Variants in YWHAE observed in about 807,000 individuals in gnomAD.
YWHAE encodes tyrosine 3-monooxygenase/tryptophan 5-monooxygenase activation protein epsilon.
In YWHAE, 4 loss-of-function variants were observed where a neutral mutation model predicts 30.1. The ratio of observed to expected loss-of-function variants is 0.13; its 90% confidence interval spans 0.07 to 0.30. The LOEUF is 0.30. Ranked by LOEUF, YWHAE falls within the 10% of genes least tolerant of loss-of-function variation. The pLI is 1.00. For missense variants in YWHAE, 121 were observed against 315.9 expected (o/e 0.38, Z 4.68); for synonymous variants, 118 against 111.8 (o/e 1.06, Z -0.35).
chr17:1,357,412 A>AT, intron 4 of YWHAE, among the ~76,000 whole-genome samples: 1 of 143,532 alleles, frequency 7.0e-6, no homozygotes, highest in Non-Finnish European at 1.5e-5. Context: ...CAAAAAAAAA[A>AT]AAAAAAAAAT....
At chr17:1,382,449 C>T (rs984099471) in intron 1 of YWHAE, among the ~76,000 whole-genome samples, 9 of 151,278 alleles carry the variant, frequency 5.9e-5, no homozygotes, top group African/African-American at 9.7e-5. Context: ...CTCCGCCTCC[C>T]GGGTTCTGGC....
chr17:1,347,889 G>C (rs1014900454), intron 5 of YWHAE: 1 of 874,430 alleles, frequency 1.1e-6, no homozygotes, highest in Admixed American at 6.1e-5. Flanking sequence ...GCAACAGGAC[G>C]ATCATACGCA....
chr17:1,359,513 A>G (rs1415223036), intron 4 of YWHAE, among the ~76,000 whole-genome samples: 4 of 152,222 alleles, frequency 2.6e-5, no homozygotes, highest in African/African-American at 9.6e-5. Flanking sequence ...GTGTAAATTC[A>G]GTCACTAAAA....
At chr17:1,388,199 G>T (rs921432755) in intron 1 of YWHAE, among the ~76,000 whole-genome samples, 1 of 130,436 alleles carries the variant, frequency 7.7e-6, no homozygotes, top group Non-Finnish European at 1.6e-5. Flanking sequence ...CTGACCTCGT[G>T]ATCTGCCCTC....
intron 1 of YWHAE, among the ~76,000 whole-genome samples, chr17:1,368,519 G>A (rs935417548): frequency 4.7e-5 from 7 of 150,182 alleles, no homozygotes; most frequent in Admixed American, 1.3e-4. Context: ...AGCTGAGATC[G>A]CGCCATTGCA....
At chr17:1,393,823 G>A (rs1042625711) in intron 1 of YWHAE, among the ~76,000 whole-genome samples, 1 of 151,978 alleles carries the variant, frequency 6.6e-6, no homozygotes, top group African/African-American at 2.4e-5. Context: ...ATCTGTATGC[G>A]AATAAACATT....
At position 1,348,084 on chromosome 17, in the gene YWHAE, G is replaced by C. The variant is rs1335027963; in HGVS notation, c.716-2585C>G. 5.1e-6 allele frequency: 4 copies of C among 777,566 alleles called. No individual in the cohort carries two copies. The South Asian group carries it at 2.4e-4, about 46-fold the overall frequency. The allele number at this position is 777,566 out of a possible 1,614,324, so 48.2% of individuals were successfully genotyped here. On this transcript the variant is annotated intron_variant, in intron 5 of 5. Coordinates refer to ENST00000264335, the MANE Select transcript of YWHAE (RefSeq NM_006761.5). Reference sequence around the variant, plus strand: ...ACAAGAAAAATAAACCAACAGAGCAGGACAAAGGAAAACAATGATACAGGA... The same window carrying C: ...ACAAGAAAAATAAACCAACAGAGCACGACAAAGGAAAACAATGATACAGGA...
At chr17:1,364,138 C>T (rs574615133) in intron 2 of YWHAE, among the ~76,000 whole-genome samples, 4 of 151,802 alleles carry the variant, frequency 2.6e-5, no homozygotes, top group African/African-American at 9.7e-5. Context: ...GTATATACAC[C>T]CACAGTAAGT....
intron 1 of YWHAE, among the ~76,000 whole-genome samples, chr17:1,389,379 A>G (rs1283411287): frequency 6.6e-6 from 1 of 152,212 alleles, no homozygotes; most frequent in Non-Finnish European, 1.5e-5. Context: ...AGTATTTAGT[A>G]GCTTTTTATT....
intron 1 of YWHAE, among the ~76,000 whole-genome samples, chr17:1,398,517 G>A (rs1281435034): frequency 1.3e-5 from 2 of 151,968 alleles, no homozygotes; most frequent in Non-Finnish European, 1.5e-5. Context: ...GACTAAATCC[G>A]CATTTCGAGG....
intron 4 of YWHAE, among the ~76,000 whole-genome samples, chr17:1,356,401 G>GT (rs2072743523): frequency 6.6e-6 from 1 of 152,130 alleles, no homozygotes; most frequent in African/African-American, 2.4e-5. Context: ...TCCAAATAAA[G>GT]TATTTCAGGG....
At chr17:1,388,153 A>G (rs2073335742) in intron 1 of YWHAE, among the ~76,000 whole-genome samples, 1 of 99,108 alleles carries the variant, frequency 1.0e-5, no homozygotes, top group African/African-American at 4.1e-5. Flanking sequence ...AGTAGAGACG[A>G]GGTTTCACCC....
At chr17:1,357,124 C>A (rs1477394470) in intron 4 of YWHAE, among the ~76,000 whole-genome samples, 2 of 151,694 alleles carry the variant, frequency 1.3e-5, no homozygotes, top group Non-Finnish European at 2.9e-5. Context: ...AAAAAATAGG[C>A]CGGGCGCGGT....
chr17:1,351,563 T>C (rs759218398), intron 5 of YWHAE, among the ~76,000 whole-genome samples: 2 of 152,108 alleles, frequency 1.3e-5, no homozygotes, highest in Non-Finnish European at 2.9e-5. Context: ...GATACTAGCA[T>C]CTGAGCTGGG....
At chr17:1,374,391 A>T (rs924901548) in intron 1 of YWHAE, among the ~76,000 whole-genome samples, 4 of 152,162 alleles carry the variant, frequency 2.6e-5, no homozygotes, top group Non-Finnish European at 5.9e-5. Context: ...TATTATAAAC[A>T]ATGCTGCTAC....
chr17:1,369,096 T>A (rs1364516667), intron 1 of YWHAE, among the ~76,000 whole-genome samples: 1 of 152,234 alleles, frequency 6.6e-6, no homozygotes, highest in Non-Finnish European at 1.5e-5. Context: ...CATTTTTACA[T>A]ATACACAAAA....
At chr17:1,354,466 T>C (rs1281295460) in intron 4 of YWHAE, 119 bp from the exon 5 acceptor site, 28 of 1,042,504 alleles carry the variant, frequency 2.7e-5, no homozygotes, top group Middle Eastern at 2.1e-4. Context: ...ACAATGATAA[T>C]GCAAAGAAAA....
intron 1 of YWHAE, among the ~76,000 whole-genome samples, chr17:1,395,444 G>T (rs762634516): frequency 6.6e-6 from 1 of 152,164 alleles, no homozygotes; most frequent in Non-Finnish European, 1.5e-5. Context: ...CAGGAGAACC[G>T]CTTGAACCTG....
chr17:1,361,617 T>C (rs552402227), intron 3 of YWHAE: 2 of 421,526 alleles, frequency 4.7e-6, no homozygotes, highest in Admixed American at 4.0e-5. Context: ...TGACAGTTTA[T>C]TAATCATAAA....
Sources: allele counts gnomAD v4.1 joint callset (sites outside exome capture counted in the v4.1 genomes callset), GRCh38; gene constraint gnomAD v4.1.1; transcripts MANE v1.5; gene names NCBI Gene and HGNC (gene_info 2026-07-23, HGNC 2026-07-21).